Variants in CCDC125 observed in about 807,000 individuals in gnomAD.
CCDC125 encodes coiled-coil domain containing 125.
A neutral mutation model predicts 57.4 loss-of-function variants in CCDC125; 43 were observed. The observed-to-expected ratio is 0.75, with a 90% CI of 0.59 to 0.97. CCDC125 has a LOEUF of 0.97. Among genes scored for constraint, CCDC125 ranks in the 50% least tolerant of loss-of-function variants. CCDC125 has a pLI of 0.00. For missense variants in CCDC125, 563 were observed against 595.7 expected, an observed-to-expected ratio of 0.95 and a Z score of 0.57; for synonymous variants, 187 against 195.2, an observed-to-expected ratio of 0.96 and a Z score of 0.35.
chr5:69,325,777 T>G (rs1235705187), intron 1 of CCDC125, among the ~76,000 whole-genome samples: 1 of 129,972 alleles, frequency 7.7e-6, no homozygotes, highest in Non-Finnish European at 1.5e-5. Context: ...TGAGCCAAGA[T>G]CGTGTCACTG....
chr5:69,276,454 A>T, downstream of CCDC125: 1 of 1,173,600 alleles, frequency 8.5e-7, no homozygotes, highest in Non-Finnish European at 1.2e-6. Flanking sequence ...TAGTATTTTT[A>T]ATGCTCCCTA....
Position 69,282,623 on chromosome 5 carries a change from A to C in CCDC125, c.*106T>G, listed in dbSNP as rs1752591616. The C allele has an allele frequency of 2.2e-6, 2 of 909,184 alleles. No individual in the cohort carries two copies. Among genetic ancestry groups the C allele is most frequent in the African/African-American group, 3.4e-5 (2 of 59,422 alleles). 56.3% of individuals were successfully genotyped at this position (909,184 alleles called of 1,614,324 possible). A position where few individuals can be genotyped will look rare whatever the true frequency, so the allele number is the denominator to read the frequency against. ...AAGTGACCTCCTAAAATTTAGAAAT[A>C]CCTAGGAAACATACAACTTCTCAAG... On this transcript the variant is annotated 3_prime_UTR_variant, in exon 12 of 12. Coordinates refer to ENST00000396496, the MANE Select transcript of CCDC125 (RefSeq NM_176816.5).
intron 8 of CCDC125, among the ~76,000 whole-genome samples, chr5:69,295,154 C>T (rs75776228): frequency 0.013 from 1,966 of 152,270 alleles, 35 homozygotes; most frequent in Non-Finnish European, 0.016. Context: ...CTTCCTTCAT[C>T]TCACTCTTAA....
At chr5:69,285,311 C>T (rs752662151) in intron 11 of CCDC125, 26 bp downstream of exon 11, 34 of 1,609,678 alleles carry the variant, frequency 2.1e-5, no homozygotes, top group Non-Finnish European at 2.8e-5. Flanking sequence ...TAACCATAAC[C>T]TGCAAAAAAA....
In CCDC125 at chr5:69,320,311, G is replaced by C. The variant is rs1418958576; in HGVS notation, c.230C>G (p.Ser77Cys). 2 of 1,614,014 alleles carry C rather than the reference G, an allele frequency of 1.2e-6. No individual in the cohort carries two copies. Among genetic ancestry groups the C allele is most frequent in the Non-Finnish European group, 1.7e-6 (2 of 1,179,998 alleles). Residue 77 changes from serine to cysteine, a missense_variant, in exon 2 of 12, where the codon TCC (serine) becomes TGC (cysteine). Coordinates refer to ENST00000396496, the MANE Select transcript of CCDC125 (RefSeq NM_176816.5). ...EERNEASFQY[S>C]KHKSQQDTFP... is the part of the protein sequence containing the mutation. The stretch of plus-strand genomic sequence containing the variant: ...TGTATCTTGCTGGCTCTTATGCTTG[G>C]AATACTGAAAACTCGCTTCATTTCT...
At chr5:69,299,682 G>C (rs1363838916) in intron 8 of CCDC125, among the ~76,000 whole-genome samples, 1 of 152,214 alleles carries the variant, frequency 6.6e-6, no homozygotes, top group Non-Finnish European at 1.5e-5. Context: ...ATGAAGATCA[G>C]ATACAACAAT....
chr5:69,307,514 C>T (rs1454769966), intron 5 of CCDC125, among the ~76,000 whole-genome samples: 2 of 151,852 alleles, frequency 1.3e-5, no homozygotes, highest in Non-Finnish European at 2.9e-5. Context: ...AATCCTGTCT[C>T]TACTAAAAAT....
In CCDC125 at chr5:69,282,593, G is replaced by T. The variant is rs1752587401; in HGVS notation, c.*136C>A. 1 of 673,526 alleles carries T rather than the reference G, an allele frequency of 1.5e-6. No homozygotes were observed. The highest frequency in any genetic ancestry group is 2.4e-6 in the Non-Finnish European group (1 of 410,918). The allele number at this position is 673,526 out of a possible 1,614,324, so 41.7% of individuals were successfully genotyped here. A position where few individuals can be genotyped will look rare whatever the true frequency, so the allele number is the denominator to read the frequency against. ...GAAAAAGAAAATGTAGAAAATATTT[G>T]ATTTAAGTGACCTCCTAAAATTTAG... is the stretch of plus-strand genomic sequence containing the variant. On this transcript the variant is annotated 3_prime_UTR_variant, in exon 12 of 12. Coordinates refer to ENST00000396496, the MANE Select transcript of CCDC125 (RefSeq NM_176816.5).
At chr5:69,285,012 GC>G (rs1490192415) in intron 11 of CCDC125, among the ~76,000 whole-genome samples, 3 of 152,074 alleles carry the variant, frequency 2.0e-5, no homozygotes, top group African/African-American at 7.2e-5. Flanking sequence ...CAGGAGAATT[GC>G]TTGAACCCGG....
intron 5 of CCDC125, 37 bp downstream of exon 5, chr5:69,307,914 T>C (rs750351922): frequency 3.6e-5 from 54 of 1,480,628 alleles, no homozygotes; most frequent in Non-Finnish European, 2.4e-5. Context: ...TAACAGCTTA[T>C]TGGATTCAAT....
downstream of CCDC125, chr5:69,276,674 A>C (rs771049771): frequency 6.2e-7 from 1 of 1,614,046 alleles, no homozygotes; most frequent in East Asian, 2.2e-5. Flanking sequence ...GGAAAAGAAC[A>C]GAGGCCTTAG....
At chr5:69,275,696 AG>A (rs1234196479), downstream of CCDC125, among the ~76,000 whole-genome samples, 1 of 152,196 alleles carries the variant, frequency 6.6e-6, no homozygotes, top group Non-Finnish European at 1.5e-5. Flanking sequence ...ACCTTCAGCC[AG>A]GCGCGGTGGC....
downstream of CCDC125, among the ~76,000 whole-genome samples, chr5:69,275,340 AT>A (rs1752009641): frequency 6.6e-6 from 1 of 152,096 alleles, no homozygotes; most frequent in Non-Finnish European, 1.5e-5. Context: ...AAAAAGCCTT[AT>A]TTTTTAAGAA....
At chr5:69,305,951 T>A (rs1485290777) in intron 6 of CCDC125, among the ~76,000 whole-genome samples, 1 of 152,330 alleles carries the variant, frequency 6.6e-6, no homozygotes, top group African/African-American at 2.4e-5. Flanking sequence ...CCAACTGAAA[T>A]GACTGACTTT....
At chr5:69,323,687 A>T (rs766022878) in intron 1 of CCDC125, 11 of 152,176 alleles carry the variant, frequency 7.2e-5, no homozygotes, top group African/African-American at 1.4e-4. Context: ...CACAGCAGAT[A>T]CAGAGGAGTT....
At chr5:69,290,427 C>T (rs183779770) in intron 10 of CCDC125, among the ~76,000 whole-genome samples, 255 of 150,868 alleles carry the variant, frequency 1.7e-3, no homozygotes, top group African/African-American at 5.2e-3. Context: ...CTCAGCTTCC[C>T]GAGTAGCTGG....
At chr5:69,329,085 G>T (rs1009738450) in intron 1 of CCDC125, among the ~76,000 whole-genome samples, 1 of 152,108 alleles carries the variant, frequency 6.6e-6, no homozygotes, top group Non-Finnish European at 1.5e-5. Flanking sequence ...GAGCCACCAC[G>T]CCCGGCCTAC....
chr5:69,330,116 C>T (rs1396731167), intron 1 of CCDC125, among the ~76,000 whole-genome samples: 2 of 152,230 alleles, frequency 1.3e-5, no homozygotes, highest in East Asian at 1.9e-4. Flanking sequence ...GTCCACCTGA[C>T]TCCTGAAGCC....
intron 1 of CCDC125, among the ~76,000 whole-genome samples, chr5:69,323,152 CAAA>C (rs1241431633): frequency 6.6e-6 from 1 of 151,548 alleles, no homozygotes; most frequent in Non-Finnish European, 1.5e-5. Context: ...ACTAAAAATA[CAAA>C]AAAATTAGCC....
Sources: gnomAD v4.1 joint callset for allele counts (sites outside exome capture counted in the v4.1 genomes callset) on GRCh38, gnomAD v4.1.1 for gene constraint, MANE v1.5 for transcripts, NCBI Gene and HGNC (gene_info 2026-07-23, HGNC 2026-07-21) for gene names.